Variants in GHRH observed in about 807,000 individuals in gnomAD.
GHRH encodes the protein somatoliberin.
A neutral mutation model predicts 15.6 loss-of-function variants in GHRH; 7 were observed. That is an observed-to-expected ratio of 0.45 (90% CI 0.26 to 0.84). The LOEUF (loss-of-function observed/expected upper bound fraction) is 0.84, where lower values mean the gene tolerates loss of function less well. Ranked by LOEUF, GHRH falls within the 40% of genes least tolerant of loss-of-function variation. GHRH has a pLI of 0.18. For synonymous variants in GHRH, 54 were observed against 50.4 expected (o/e 1.07, Z -0.30); for missense variants, 117 against 138.0 (o/e 0.85, Z 0.76).
intron 1 of GHRH, among the ~76,000 whole-genome samples, chr20:37,260,136 C>T (rs1047929899): frequency 6.6e-6 from 1 of 152,048 alleles, no homozygotes; most frequent in African/African-American, 2.4e-5. Flanking sequence ...CACAATACCC[C>T]GCTCATTCAA....
At chr20:37,261,241 G>C (rs2068685214) in intron 1 of GHRH, among the ~76,000 whole-genome samples, 1 of 152,192 alleles carries the variant, frequency 6.6e-6, no homozygotes, top group Non-Finnish European at 1.5e-5. Flanking sequence ...TCCAAAGGCA[G>C]ATAATTGTGT....
At position 37,258,842 on chromosome 20, in the gene GHRH, C is replaced by A. The variant is rs1034621671; in HGVS notation, c.-19-1934G>T. ...ACAGCCTCAAACTCCTGGGCTCAAG[C>A]AATCCTCCTGCCTCAGCCTCCTGAG... On this transcript the variant is annotated intron_variant, in intron 1 of 4. Coordinates refer to ENST00000373614, the MANE Select transcript of GHRH (RefSeq NM_021081.6). The surrounding 1 kb of genome is among the most constrained non-coding windows in gnomAD (Gnocchi z 4.1). 6.6e-6 allele frequency among the ~76,000 whole-genome samples: 1 copy of A among 152,170 alleles called. No individual in the cohort carries two copies. The highest frequency in any genetic ancestry group is 2.4e-5 in the African/African-American group (1 of 41,424).
intron 1 of GHRH, among the ~76,000 whole-genome samples, chr20:37,259,893 C>T (rs2068678495): frequency 6.6e-6 from 1 of 152,224 alleles, no homozygotes; most frequent in South Asian, 2.1e-4. Flanking sequence ...GCTCTATTCA[C>T]AGTATTCCCC....
At chr20:37,255,754 G>A (rs1172622123) in intron 3 of GHRH, among the ~76,000 whole-genome samples, 2 of 151,892 alleles carry the variant, frequency 1.3e-5, no homozygotes, top group Non-Finnish European at 1.5e-5. Context: ...TAAAAGCTGG[G>A]CAAGGTGGCT....
In GHRH at chr20:37,256,820, G is replaced by C. The variant is rs368337505; in HGVS notation, c.70C>G (p.Pro24Ala). 3.1e-6 allele frequency: 5 copies of C among 1,612,634 alleles called. No individual in the cohort carries two copies. The highest frequency in any genetic ancestry group is 3.4e-6 in the Non-Finnish European group (4 of 1,179,336). ...SNSSHCSPPPPLTLRMRRYAD... is the reference protein window; with the variant it reads ...SNSSHCSPPPALTLRMRRYAD... The stretch of plus-strand genomic sequence containing the variant: ...GGGTCTGCTTACCTGAGGGTCAAAG[G>C]GGGAGGTGGGGAGCAGTGGGAGCTG... The change falls in exon 2 of 5, where the codon CCT becomes GCT. Residue 24 changes from proline (P) to alanine (A), a missense_variant. Coordinates refer to ENST00000373614, the MANE Select transcript of GHRH (RefSeq NM_021081.6).
In GHRH at chr20:37,251,148, A is replaced by T; in HGVS notation, c.*65T>A. ...TTTCAAAGGAAAAAGTGGGTCAGAAATGAGAGGATTAACTGGATCCAGTTG... is the reference window on the plus strand; with the variant it reads ...TTTCAAAGGAAAAAGTGGGTCAGAATTGAGAGGATTAACTGGATCCAGTTG... On this transcript the variant is annotated 3_prime_UTR_variant, in exon 5 of 5. Coordinates refer to ENST00000373614, the MANE Select transcript of GHRH (RefSeq NM_021081.6). The T allele has an allele frequency of 8.4e-7, 1 of 1,194,268 alleles. No individual in the cohort carries two copies. Among genetic ancestry groups the T allele is most frequent in the Non-Finnish European group, 1.2e-6 (1 of 829,260 alleles). 74.0% of individuals were successfully genotyped at this position (1,194,268 alleles called of 1,614,324 possible).
At chr20:37,256,633 C>T (rs2068657731) in intron 2 of GHRH, 135 bp from the exon 3 acceptor site, 1 of 724,258 alleles carries the variant, frequency 1.4e-6, no homozygotes, top group Non-Finnish European at 2.3e-6. Flanking sequence ...GACTCAGACC[C>T]CTCTGAGTGA....
chr20:37,251,423 C>G (rs1379259563), intron 4 of GHRH, among the ~76,000 whole-genome samples, 192 bp from the exon 5 acceptor site: 2 of 152,128 alleles, frequency 1.3e-5, no homozygotes, highest in Admixed American at 6.5e-5. Flanking sequence ...AGCCCCTGCT[C>G]TCTGCTCTGC....
chr20:37,259,339 G>T (rs375492389), intron 1 of GHRH, among the ~76,000 whole-genome samples: 1 of 152,198 alleles, frequency 6.6e-6, no homozygotes. Context: ...ACCACGTCTG[G>T]TCCCCCTTCT....
At chr20:37,260,412 A>AC (rs1555895922) in intron 1 of GHRH, among the ~76,000 whole-genome samples, 20 of 150,320 alleles carry the variant, frequency 1.3e-4, no homozygotes, top group African/African-American at 4.2e-4. Context: ...AAAAAAAAAC[A>AC]CACAAAACAA....
intron 3 of GHRH, 52 bp from the exon 4 acceptor site, chr20:37,254,381 G>A (rs1318965112): frequency 3.7e-6 from 6 of 1,602,472 alleles, no homozygotes; most frequent in Non-Finnish European, 5.1e-6. Context: ...GATGTGGAAA[G>A]GCAGGGGTAT....
rs909494266 is a variant in GHRH, at chr20:37,258,968, G to C, written c.-19-2060C>G. Among the ~76,000 whole-genome samples the C allele has an allele frequency of 1.3e-5, 2 of 152,208 alleles. No individual in the cohort carries two copies. Among genetic ancestry groups the C allele is most frequent in the South Asian group, 2.1e-4 (1 of 4,800 alleles). On this transcript the variant is annotated intron_variant, in intron 1 of 4. Transcript: ENST00000373614. This position sits in a 1 kb window ranked among gnomAD's most constrained non-coding sequence, Gnocchi z 4.1. ...TTGCCGAGGCTGGTTTCAAACCCCC[G>C]GGCTTAAGTGATCCCCCCGCCTCAG...
chr20:37,261,704 C>T (rs2068688500), intron 1 of GHRH, 39 bp downstream of exon 1: 1 of 152,240 alleles, frequency 6.6e-6, no homozygotes, highest in South Asian at 2.1e-4. Context: ...CTTTTCTTAC[C>T]CCCACCCAGC....
intron 3 of GHRH, among the ~76,000 whole-genome samples, chr20:37,255,085 G>T (rs780437493): frequency 6.6e-6 from 1 of 152,172 alleles, no homozygotes; most frequent in Non-Finnish European, 1.5e-5. Context: ...GGGTCATGAT[G>T]ACTGCAATTT....
chr20:37,251,475 T>G (rs1354859913), intron 4 of GHRH, among the ~76,000 whole-genome samples: 1 of 151,704 alleles, frequency 6.6e-6, no homozygotes, highest in Admixed American at 6.6e-5. Flanking sequence ...CACTTCGCCT[T>G]GAAGAAGCTT....
intron 2 of GHRH, 70 bp from the exon 3 acceptor site, chr20:37,256,568 C>A: frequency 1.0e-6 from 1 of 959,706 alleles, no homozygotes; most frequent in South Asian, 1.4e-5. Context: ...TGGCTGCACT[C>A]GCCATGTCTC....
intron 4 of GHRH, 40 bp downstream of exon 4, chr20:37,254,170 C>T (rs1600871055): frequency 6.2e-7 from 1 of 1,611,912 alleles, no homozygotes; most frequent in Non-Finnish European, 8.5e-7. Context: ...GGTAGGAAGC[C>T]CTGAAGTCCC....
At chr20:37,254,146 C>T in intron 4 of GHRH, 64 bp downstream of exon 4, 2 of 1,591,020 alleles carry the variant, frequency 1.3e-6, no homozygotes, top group Admixed American at 1.7e-5. Context: ...TTTCCTTTTC[C>T]TGGCAAACCA....
In GHRH at chr20:37,254,210, C is replaced by T. The variant is rs750300595; in HGVS notation, c.308G>A (p.Ser103Asn). ...SILVALLQKH[S>N]RNSQG is the part of the protein sequence containing the mutation. ...TGCACCCATGCACACACACCCATAC[C>T]TGTGCTTCTGCAGCAGGGCCACCAG... Residue 103 changes from serine (S) to asparagine (N), a missense_variant and splice_region_variant, in exon 4 of 5, where the codon AGC becomes AAC. Coordinates refer to ENST00000373614, the MANE Select transcript of GHRH (RefSeq NM_021081.6). The T allele has an allele frequency of 6.2e-7, 1 of 1,614,210 alleles. No homozygotes were observed. The highest frequency in any genetic ancestry group is 8.5e-7 in the Non-Finnish European group (1 of 1,180,024).
Sources: allele counts gnomAD v4.1 joint callset (sites outside exome capture counted in the v4.1 genomes callset), GRCh38; gene constraint gnomAD v4.1.1; non-coding constraint Gnocchi (gnomAD v3.1); transcripts MANE v1.5; gene names NCBI Gene and HGNC (gene_info 2026-07-23, HGNC 2026-07-21).